UNC13C: variants seen among roughly 807,000 people sequenced by gnomAD.
UNC13C encodes the protein protein unc-13 homolog C.
A neutral mutation model predicts 245.4 loss-of-function variants in UNC13C; 174 were observed. The observed-to-expected ratio is 0.71, with a 90% CI of 0.63 to 0.80. UNC13C has a LOEUF of 0.80. Among genes scored for constraint, UNC13C ranks in the 30% least tolerant of loss-of-function variants. The probability of loss-of-function intolerance (pLI) is 0.00; values close to 1 mark genes in which losing one functional copy is unlikely to be tolerated. For synonymous variants in UNC13C, 992 were observed against 895.1 expected (o/e 1.11, Z -1.93); for missense variants, 2,829 against 2,602.9 (o/e 1.09, Z -1.89).
At chr15:53,924,919 G>T in the UNC13C span, among the ~76,000 whole-genome samples, 1 of 151,166 alleles carries the variant, frequency 6.6e-6, no homozygotes, top group African/African-American at 2.4e-5. Context: ...ATGTGTTTAG[G>T]GTTATATGGT....
At chr15:53,916,924 G>A in the UNC13C span, among the ~76,000 whole-genome samples, 4 of 152,112 alleles carry the variant, frequency 2.6e-5, no homozygotes, top group African/African-American at 7.2e-5. Flanking sequence ...GAGGCAGGTC[G>A]TTTACAGATT....
chr15:54,249,321 T>C (rs904103323), intron 7 of UNC13C, among the ~76,000 whole-genome samples: 21 of 152,188 alleles, frequency 1.4e-4, no homozygotes, highest in African/African-American at 4.8e-4. Flanking sequence ...GTTATCATTA[T>C]ATAATTTGAT....
At chr15:54,094,963 A>T (rs1899774867) in intron 2 of UNC13C, among the ~76,000 whole-genome samples, 1 of 152,204 alleles carries the variant, frequency 6.6e-6, no homozygotes, top group Non-Finnish European at 1.5e-5. Context: ...TAGCTTCAGC[A>T]TCTTTCTGGT....
intron 22 of UNC13C, among the ~76,000 whole-genome samples, chr15:54,505,881 A>T (rs1481839642): frequency 6.6e-6 from 1 of 151,638 alleles, no homozygotes; most frequent in Non-Finnish European, 1.5e-5. Flanking sequence ...TACGTGTGAG[A>T]TCCCAGGATT....
At chr15:54,052,699 A>C (rs542831920) in intron 2 of UNC13C, among the ~76,000 whole-genome samples, 1 of 152,306 alleles carries the variant, frequency 6.6e-6, no homozygotes, top group African/African-American at 2.4e-5. Context: ...TTATGTGCTT[A>C]AATTTGTTTT....
intron 1 of UNC13C, among the ~76,000 whole-genome samples, chr15:54,001,223 G>C (rs560066497): frequency 6.6e-6 from 1 of 152,114 alleles, no homozygotes; most frequent in South Asian, 2.1e-4. Flanking sequence ...GGAAAATTGA[G>C]GCAAAAATGA....
chr15:54,117,642 G>A (rs1003631825), intron 2 of UNC13C, among the ~76,000 whole-genome samples: 2 of 151,240 alleles, frequency 1.3e-5, no homozygotes, highest in African/African-American at 2.4e-5. Context: ...AGTGCATTGG[G>A]ACAATCTTGA....
chr15:53,917,301 A>C, the UNC13C span, among the ~76,000 whole-genome samples: 2 of 152,216 alleles, frequency 1.3e-5, no homozygotes, highest in Non-Finnish European at 2.9e-5. Flanking sequence ...CATCAGGAGT[A>C]GCTAGTCTCA....
At position 54,406,956 on chromosome 15, in the gene UNC13C, G is replaced by A. The variant is rs577125614; in HGVS notation, c.4848-8026G>A. On this transcript the variant is annotated intron_variant, in intron 18 of 32. Transcript: ENST00000260323. ...TCAGAAGATATATAGAATGTCAGGC[G>A]TGTCAAGAAATAATAAATAATAGGG... is the stretch of plus-strand genomic sequence containing the variant. Among the ~76,000 whole-genome samples, 49 of 152,216 alleles carry A rather than the reference G, an allele frequency of 3.2e-4. 1 individual carries two copies. The highest frequency in any genetic ancestry group is 2.6e-3 in the Admixed American group (39 of 15,280).
intron 17 of UNC13C, among the ~76,000 whole-genome samples, chr15:54,348,341 C>T (rs1269574377): frequency 6.6e-6 from 1 of 152,096 alleles, no homozygotes; most frequent in African/African-American, 2.4e-5. Flanking sequence ...TGGACAGAAG[C>T]ACCCTTTACT....
intron 17 of UNC13C, among the ~76,000 whole-genome samples, chr15:54,353,546 G>A (rs912178388): frequency 2.6e-5 from 4 of 152,126 alleles, no homozygotes; most frequent in Non-Finnish European, 5.9e-5. Flanking sequence ...GAAGAGGTAC[G>A]GTAGAATCAC....
At chr15:54,221,752 A>G (rs1410819316) in intron 4 of UNC13C, among the ~76,000 whole-genome samples, 2 of 152,094 alleles carry the variant, frequency 1.3e-5, no homozygotes, top group Non-Finnish European at 2.9e-5. Flanking sequence ...TCAGACCCAC[A>G]GTCTTCAATT....
intron 4 of UNC13C, among the ~76,000 whole-genome samples, chr15:54,204,682 T>A (rs2034652378): frequency 1.3e-5 from 2 of 152,048 alleles, no homozygotes; most frequent in African/African-American, 4.8e-5. Flanking sequence ...AAGGTAGAAG[T>A]ACTTACTTTA....
chr15:54,534,055 CAA>C (rs1187599970), intron 26 of UNC13C, among the ~76,000 whole-genome samples: 2 of 152,134 alleles, frequency 1.3e-5, no homozygotes, highest in Non-Finnish European at 2.9e-5. Context: ...TCCTTAAAGA[CAA>C]GGACAACAGT....
At chr15:54,538,858 G>A (rs1274162925) in intron 26 of UNC13C, among the ~76,000 whole-genome samples, 1 of 151,900 alleles carries the variant, frequency 6.6e-6, no homozygotes, top group Non-Finnish European at 1.5e-5. Context: ...AGTGGAGGGC[G>A]GGAGGAGGGT....
chr15:54,501,999 G>A (rs942027834), intron 22 of UNC13C, among the ~76,000 whole-genome samples: 32 of 152,102 alleles, frequency 2.1e-4, no homozygotes, highest in Admixed American at 7.9e-4. Flanking sequence ...CTTAGGAAAC[G>A]CAGAACCTTT....
At chr15:54,464,290 A>G (rs1892048837) in intron 19 of UNC13C, among the ~76,000 whole-genome samples, 1 of 152,158 alleles carries the variant, frequency 6.6e-6, no homozygotes. Flanking sequence ...GAACTTTGTC[A>G]GTTTTTCTGC....
At chr15:54,061,842 A>G (rs1262851409) in intron 2 of UNC13C, among the ~76,000 whole-genome samples, 1 of 152,092 alleles carries the variant, frequency 6.6e-6, no homozygotes, top group East Asian at 1.9e-4. Context: ...CCAGAAAGAG[A>G]CTTTCTTTCC....
At chr15:54,359,697 G>A (rs2039184162) in intron 17 of UNC13C, among the ~76,000 whole-genome samples, 1 of 151,782 alleles carries the variant, frequency 6.6e-6, no homozygotes, top group Non-Finnish European at 1.5e-5. Flanking sequence ...CTGTTATGAT[G>A]TCTCCTTTTA....
Sources: allele counts gnomAD v4.1 joint callset (sites outside exome capture counted in the v4.1 genomes callset), GRCh38; gene constraint gnomAD v4.1.1; transcripts MANE v1.5; gene names NCBI Gene and HGNC (gene_info 2026-07-23, HGNC 2026-07-21).